Variants in EDA observed in about 807,000 individuals in gnomAD.
EDA encodes the protein ectodysplasin-A.
EDA carries 2 observed loss-of-function variants against 23.6 expected under a neutral mutation model. The observed-to-expected ratio is 0.08, with a 90% confidence interval of 0.03 to 0.27. EDA has a LOEUF of 0.27. Among genes scored for constraint, EDA ranks in the 10% least tolerant of loss-of-function variants. EDA has a pLI of 1.00. For missense variants in EDA, 229 were observed against 324.2 expected (o/e 0.71, Z 2.26); for synonymous variants, 131 against 132.0 (o/e 0.99, Z 0.05).
chrX:69,762,102 T>C (rs1225358225), intron 1 of EDA, among the ~76,000 whole-genome samples: 1 of 111,782 alleles, frequency 8.9e-6, no homozygotes, highest in Non-Finnish European at 1.9e-5. Context: ...TCAGTATATA[T>C]ATTTAATATG....
chrX:69,622,104 C>G (rs1476935643), intron 1 of EDA, among the ~76,000 whole-genome samples: 1 of 111,500 alleles, frequency 9.0e-6, no homozygotes, highest in Middle Eastern at 4.2e-3. Flanking sequence ...GAATATACCA[C>G]AGTCTATTTA....
chrX:69,776,284 T>A (rs2014779702), intron 1 of EDA, among the ~76,000 whole-genome samples: 1 of 111,961 alleles, frequency 8.9e-6, no homozygotes, highest in Admixed American at 9.5e-5. Context: ...TGATGTAGTT[T>A]GGCTGTGTCC....
At chrX:69,943,523 CAG>C (rs1331527435) in intron 1 of EDA, among the ~76,000 whole-genome samples, 1 of 111,357 alleles carries the variant, frequency 9.0e-6, no homozygotes, top group East Asian at 2.9e-4. Flanking sequence ...TTCCCCCAAA[CAG>C]AGTCTCTGTC....
At chrX:69,773,408 A>G (rs1018235756) in intron 1 of EDA, among the ~76,000 whole-genome samples, 3 of 111,730 alleles carry the variant, frequency 2.7e-5, no homozygotes, top group African/African-American at 6.5e-5. Context: ...GCTGCTTTCA[A>G]TTCTTTTGGC....
intron 1 of EDA, among the ~76,000 whole-genome samples, chrX:69,714,254 T>C (rs943503515): frequency 2.1e-4 from 23 of 111,596 alleles, no homozygotes; most frequent in African/African-American, 6.5e-4. Context: ...GTTTTATTTT[T>C]AGTTTACTCT....
At chrX:69,678,316 G>A (rs1256476003) in intron 1 of EDA, among the ~76,000 whole-genome samples, 32 of 110,255 alleles carry the variant, frequency 2.9e-4, no homozygotes, top group African/African-American at 9.9e-4. Context: ...CTCTTTTTTG[G>A]TTCCATATGA....
chrX:69,989,672 T>A (rs761195594), intron 2 of EDA, among the ~76,000 whole-genome samples: 1 of 111,321 alleles, frequency 9.0e-6, no homozygotes, highest in Admixed American at 9.6e-5. Context: ...AAATAGAAGT[T>A]ATAAAAATAA....
chrX:69,799,853 A>G (rs1426962744), intron 1 of EDA, among the ~76,000 whole-genome samples: 2 of 109,809 alleles, frequency 1.8e-5, no homozygotes, highest in East Asian at 5.7e-4. Context: ...CATATGATCT[A>G]GCAATCCCAC....
chrX:69,739,116 G>C (rs1226016866), intron 1 of EDA, among the ~76,000 whole-genome samples: 2 of 111,248 alleles, frequency 1.8e-5, no homozygotes, highest in Non-Finnish European at 3.8e-5. Flanking sequence ...CTGTTGAGTT[G>C]TCTGTTTCTT....
At chrX:69,801,359 G>A (rs2015681434) in intron 1 of EDA, among the ~76,000 whole-genome samples, 1 of 108,258 alleles carries the variant, frequency 9.2e-6, no homozygotes, top group Non-Finnish European at 1.9e-5. Context: ...TAAGAAACAG[G>A]GTCTCACTGT....
chrX:69,652,062 G>A (rs1418436495), intron 1 of EDA, among the ~76,000 whole-genome samples: 1 of 111,420 alleles, frequency 9.0e-6, no homozygotes, highest in Admixed American at 9.5e-5. Context: ...AAGCAGGCTT[G>A]ATAAAGTTGT....
intron 1 of EDA, among the ~76,000 whole-genome samples, chrX:69,784,061 ATG>A (rs1157235622): frequency 1.9e-5 from 2 of 107,133 alleles, no homozygotes; most frequent in Non-Finnish European, 3.9e-5. Context: ...AGCATTTTTC[ATG>A]TGTTTTTTGG....
chrX:69,960,215 G>A (rs538787509), intron 2 of EDA, among the ~76,000 whole-genome samples: 15 of 111,592 alleles, frequency 1.3e-4, no homozygotes, highest in African/African-American at 3.9e-4. Flanking sequence ...GATGATGGTG[G>A]CTTAGACCAG....
At chrX:69,713,625 C>T (rs1487319930) in intron 1 of EDA, among the ~76,000 whole-genome samples, 2 of 111,865 alleles carry the variant, frequency 1.8e-5, no homozygotes, top group African/African-American at 3.2e-5. Flanking sequence ...GGTATGTACA[C>T]TTTGGGGATT....
intron 1 of EDA, among the ~76,000 whole-genome samples, chrX:69,907,800 A>G (rs2018201110): frequency 9.0e-6 from 1 of 111,465 alleles, no homozygotes; most frequent in South Asian, 3.8e-4. Context: ...GAATTTTTGA[A>G]GCTCAAGTTA....
In EDA at chrX:69,914,487, T is replaced by C. The variant is rs1349213042; in HGVS notation, c.397-42540T>C. Among the ~76,000 whole-genome samples the C allele has an allele frequency of 2.7e-5, 3 of 111,800 alleles. No homozygotes were observed. In the Admixed American group the frequency reaches 2.9e-4, roughly 11 times the overall value. On this transcript the variant is annotated intron_variant, in intron 1 of 7. Transcript: ENST00000374552. ...TTTATAATTTACCTTTTAATTTTATTTTTAATTGACATGTTATAATTATAC... is the reference window on the plus strand; with the variant it reads ...TTTATAATTTACCTTTTAATTTTATCTTTAATTGACATGTTATAATTATAC...
intron 2 of EDA, among the ~76,000 whole-genome samples, chrX:69,994,741 G>A (rs12849039): frequency 0.029 from 3,256 of 111,478 alleles, 56 homozygotes; most frequent in Middle Eastern, 0.055. Context: ...CTCCTATTCC[G>A]CCTAGGTCAA....
chrX:69,673,054 C>T (rs902038285), intron 1 of EDA, among the ~76,000 whole-genome samples: 12 of 111,073 alleles, frequency 1.1e-4, no homozygotes, highest in South Asian at 7.7e-4. Flanking sequence ...AGAAAGTGAA[C>T]GGTAGGAATG....
chrX:69,847,934 T>C (rs1427883736), intron 1 of EDA, among the ~76,000 whole-genome samples: 1 of 111,976 alleles, frequency 8.9e-6, no homozygotes, highest in African/African-American at 3.2e-5. Context: ...TCCAGAATGG[T>C]TGTGCCATTT....
Sources: allele counts gnomAD v4.1 joint callset (sites outside exome capture counted in the v4.1 genomes callset), GRCh38; gene constraint gnomAD v4.1.1; transcripts MANE v1.5; gene names NCBI Gene and HGNC (gene_info 2026-07-23, HGNC 2026-07-21).